The following SLC1A1 variants were observed in gnomAD, a reference collection of about 807,000 sequenced individuals.
SLC1A1 encodes excitatory amino acid transporter 3.
A neutral mutation model predicts 53.3 loss-of-function variants in SLC1A1; 43 were observed. That is an observed-to-expected ratio of 0.81 (90% CI 0.63 to 1.04). The LOEUF is 1.04. SLC1A1 is among the 50% of genes least tolerant of loss of function. The pLI is 0.00. For synonymous variants in SLC1A1, 307 were observed against 243.2 expected (o/e 1.26, Z -2.44); for missense variants, 748 against 664.9 (o/e 1.12, Z -1.37).
At chr9:4,515,429 G>T (rs537839175) in intron 1 of SLC1A1, among the ~76,000 whole-genome samples, 2 of 152,176 alleles carry the variant, frequency 1.3e-5, no homozygotes, top group African/African-American at 4.8e-5. Context: ...TCCTTTGTTG[G>T]GTCTCATGTG....
chr9:4,582,173 G>C (rs1353524421), intron 10 of SLC1A1, among the ~76,000 whole-genome samples: 1 of 152,120 alleles, frequency 6.6e-6, no homozygotes, highest in African/African-American at 2.4e-5. Context: ...ATTAAAATAA[G>C]GAAGATGTTG....
chr9:4,516,287 C>G (rs1300447415), intron 1 of SLC1A1, among the ~76,000 whole-genome samples: 1 of 152,152 alleles, frequency 6.6e-6, no homozygotes, highest in Non-Finnish European at 1.5e-5. Flanking sequence ...CCAGCTGGCT[C>G]CTGGCAGATT....
intron 1 of SLC1A1, among the ~76,000 whole-genome samples, chr9:4,493,361 T>C (rs1820303454): frequency 6.6e-6 from 1 of 152,200 alleles, no homozygotes; most frequent in Non-Finnish European, 1.5e-5. Flanking sequence ...AAGGGCTGAT[T>C]TGTTTAATTG....
intron 6 of SLC1A1, among the ~76,000 whole-genome samples, chr9:4,569,133 G>T (rs1819785869): frequency 6.6e-6 from 1 of 152,094 alleles, no homozygotes; most frequent in African/African-American, 2.4e-5. Context: ...AGTAGAGCTG[G>T]CCATCTCTAG....
At chr9:4,511,281 C>T (rs1000661513) in intron 1 of SLC1A1, among the ~76,000 whole-genome samples, 7 of 152,126 alleles carry the variant, frequency 4.6e-5, no homozygotes, top group African/African-American at 1.7e-4. Context: ...GATTCCGTGT[C>T]TGCTGAGGGC....
intron 7 of SLC1A1, among the ~76,000 whole-genome samples, chr9:4,572,786 C>G (rs978252234): frequency 6.6e-6 from 1 of 152,096 alleles, no homozygotes; most frequent in Non-Finnish European, 1.5e-5. Flanking sequence ...TAGGCTCAAG[C>G]AATCTACCCA....
chr9:4,541,484 T>C (rs773791669), intron 1 of SLC1A1, among the ~76,000 whole-genome samples: 1 of 152,210 alleles, frequency 6.6e-6, no homozygotes, highest in Non-Finnish European at 1.5e-5. Flanking sequence ...TCCTAGTTAG[T>C]GTGATAACCA....
At chr9:4,523,323 A>G (rs182066165) in intron 1 of SLC1A1, among the ~76,000 whole-genome samples, 8 of 152,120 alleles carry the variant, frequency 5.3e-5, no homozygotes, top group Admixed American at 4.6e-4. Flanking sequence ...CACATTGGAA[A>G]TAATTTCAGA....
At chr9:4,522,906 C>T (rs569236680) in intron 1 of SLC1A1, among the ~76,000 whole-genome samples, 3 of 152,302 alleles carry the variant, frequency 2.0e-5, no homozygotes, top group Admixed American at 2.0e-4. Context: ...TGGGTGGGGA[C>T]ACTGCCAAAC....
chr9:4,533,014 G>C (rs1289642486), intron 1 of SLC1A1, among the ~76,000 whole-genome samples: 4 of 152,144 alleles, frequency 2.6e-5, no homozygotes, highest in Non-Finnish European at 4.4e-5. Flanking sequence ...AGCAAATGCT[G>C]AGAGATTTTG....
At chr9:4,498,502 G>C (rs538409143) in intron 1 of SLC1A1, among the ~76,000 whole-genome samples, 2 of 151,606 alleles carry the variant, frequency 1.3e-5, no homozygotes, top group African/African-American at 2.4e-5. Context: ...CTCAAAACCA[G>C]TGATTTCCAC....
chr9:4,497,194 A>G (rs899641817), intron 1 of SLC1A1, among the ~76,000 whole-genome samples: 2 of 152,100 alleles, frequency 1.3e-5, no homozygotes, highest in Non-Finnish European at 2.9e-5. Flanking sequence ...TCTGAGTGCT[A>G]TATAGGTATT....
intron 1 of SLC1A1, among the ~76,000 whole-genome samples, chr9:4,525,538 C>T (rs1277685131): frequency 6.6e-6 from 1 of 151,996 alleles, no homozygotes; most frequent in Non-Finnish European, 1.5e-5. Context: ...AATAGGTATC[C>T]CCCAAACTGG....
chr9:4,535,987 C>T (rs1693075893), intron 1 of SLC1A1, among the ~76,000 whole-genome samples: 1 of 152,070 alleles, frequency 6.6e-6, no homozygotes, highest in South Asian at 2.1e-4. Flanking sequence ...AACTGGCTAG[C>T]CATATGTAGA....
At chr9:4,495,842 G>C (rs1239835714) in intron 1 of SLC1A1, among the ~76,000 whole-genome samples, 1 of 152,196 alleles carries the variant, frequency 6.6e-6, no homozygotes. Flanking sequence ...TGGTCCAAGG[G>C]AGAAGGCAGT....
intron 1 of SLC1A1, among the ~76,000 whole-genome samples, chr9:4,517,410 T>C (rs185261147): frequency 3.9e-5 from 6 of 152,198 alleles, no homozygotes; most frequent in African/African-American, 1.4e-4. Context: ...AGGAGCAGCG[T>C]CCTCTCTTTG....
Position 4,502,544 on chromosome 9 carries a change from T to C in SLC1A1, c.91+11774T>C, listed in dbSNP as rs1385760822. Among the ~76,000 whole-genome samples, 6 of 151,540 alleles carry C rather than the reference T, an allele frequency of 4.0e-5. 1 individual carries two copies. The highest frequency in any genetic ancestry group is 2.1e-4 in the South Asian group (1 of 4,824). On this transcript the variant is annotated intron_variant, in intron 1 of 11. Coordinates refer to ENST00000262352, the MANE Select transcript of SLC1A1 (RefSeq NM_004170.6). ...GAATTTACCACGAGTTTTATGTACA[T>C]TTATCTCCCATTTGACCCTCAGTAC...
intron 1 of SLC1A1, among the ~76,000 whole-genome samples, chr9:4,529,581 C>A (rs1282883268): frequency 6.6e-6 from 1 of 151,968 alleles, no homozygotes; most frequent in African/African-American, 2.4e-5. Context: ...GATAATATAC[C>A]TATGTATGAG....
chr9:4,583,515 C>T lies in SLC1A1; in HGVS notation c.1328+343C>T, dbSNP rs1000516001. ...ACCTATCCCAGCCCTGGTTCAGCAT[C>T]ATAGGCTCAGAACCACCTAGTTCAA... On this transcript the variant is annotated intron_variant, in intron 11 of 11. Coordinates refer to ENST00000262352, the MANE Select transcript of SLC1A1 (RefSeq NM_004170.6). The surrounding 1 kb of genome is among the most constrained non-coding windows in gnomAD (Gnocchi z 4.6). Among the ~76,000 whole-genome samples the T allele has an allele frequency of 6.6e-6, 1 of 152,326 alleles. No individual in the cohort carries two copies. The highest frequency in any genetic ancestry group is 1.5e-5 in the Non-Finnish European group (1 of 68,026).
Sources: gnomAD v4.1 joint callset for allele counts (sites outside exome capture counted in the v4.1 genomes callset) on GRCh38, gnomAD v4.1.1 for gene constraint, Gnocchi (gnomAD v3.1) non-coding constraint, MANE v1.5 for transcripts, NCBI Gene and HGNC (gene_info 2026-07-23, HGNC 2026-07-21) for gene names.